CCSER1: variants seen among roughly 807,000 people sequenced by gnomAD.
The protein encoded by CCSER1 is serine-rich coiled-coil domain-containing protein 1.
Under a neutral mutation model 82.0 loss-of-function variants are expected in CCSER1, and 41 were observed. The ratio of observed to expected loss-of-function variants is 0.50; its 90% CI spans 0.39 to 0.65. The LOEUF (loss-of-function observed/expected upper bound fraction) is 0.65. CCSER1 is among the 30% of genes least tolerant of loss of function. The probability of loss-of-function intolerance (pLI) is 0.00; values close to 1 mark genes in which losing one functional copy is unlikely to be tolerated. For missense variants in CCSER1, 1,119 were observed against 1,064.2 expected (o/e 1.05, Z -0.72); for synonymous variants, 414 against 383.9 (o/e 1.08, Z -0.92).
chr4:90,425,624 C>G (rs1757417717), intron 4 of CCSER1, among the ~76,000 whole-genome samples: 1 of 152,206 alleles, frequency 6.6e-6, no homozygotes, highest in Admixed American at 6.5e-5. Context: ...AATCTAGCCT[C>G]TATCTCCAGT....
chr4:91,525,350 G>T (rs902636573), intron 10 of CCSER1, among the ~76,000 whole-genome samples: 2 of 152,098 alleles, frequency 1.3e-5, no homozygotes, highest in Non-Finnish European at 2.9e-5. Context: ...GAAGACAATG[G>T]TATGTAGACT....
chr4:90,304,923 A>AT (rs558254374), intron 1 of CCSER1, among the ~76,000 whole-genome samples: 1,516 of 147,064 alleles, frequency 0.01, 22 homozygotes, highest in African/African-American at 0.035. Context: ...GGTGTTTTTT[A>AT]TTTTTTTTTT....
intron 7 of CCSER1, among the ~76,000 whole-genome samples, chr4:90,725,267 T>C (rs1166545848): frequency 1.3e-5 from 2 of 151,632 alleles, no homozygotes; most frequent in African/African-American, 4.8e-5. Flanking sequence ...ATTTTGACAA[T>C]GATTACAGTC....
At chr4:90,861,121 A>G (rs1765035560) in intron 8 of CCSER1, among the ~76,000 whole-genome samples, 1 of 151,736 alleles carries the variant, frequency 6.6e-6, no homozygotes, top group South Asian at 2.1e-4. Context: ...AGATCCAAGG[A>G]TAGTAATGCA....
At chr4:90,420,770 C>T (rs1756563891) in intron 4 of CCSER1, among the ~76,000 whole-genome samples, 1 of 152,056 alleles carries the variant, frequency 6.6e-6, no homozygotes, top group African/African-American at 2.4e-5. Context: ...TGTAGCATTT[C>T]CTACTGACAT....
At chr4:90,640,699 T>C (rs2148981930) in intron 6 of CCSER1, among the ~76,000 whole-genome samples, 1 of 152,256 alleles carries the variant, frequency 6.6e-6, no homozygotes, top group Admixed American at 6.5e-5. Flanking sequence ...GTTCTTGTGA[T>C]AGTGAGTGAG....
At chr4:90,714,684 A>G (rs1741305946) in intron 6 of CCSER1, among the ~76,000 whole-genome samples, 1 of 151,992 alleles carries the variant, frequency 6.6e-6, no homozygotes, top group South Asian at 2.1e-4. Context: ...TAAATATATG[A>G]ACTCCTAGAA....
At chr4:90,456,605 T>G (rs746606520) in intron 4 of CCSER1, among the ~76,000 whole-genome samples, 4 of 152,156 alleles carry the variant, frequency 2.6e-5, no homozygotes, top group Non-Finnish European at 5.9e-5. Flanking sequence ...GAAACTGGAT[T>G]GGAACAAAGC....
At chr4:90,919,259 A>G (rs1306471575) in intron 8 of CCSER1, among the ~76,000 whole-genome samples, 1 of 151,898 alleles carries the variant, frequency 6.6e-6, no homozygotes, top group Non-Finnish European at 1.5e-5. Flanking sequence ...AGGCAGCAAC[A>G]CTATTTGTAA....
chr4:91,399,200 T>C (rs981337796), intron 10 of CCSER1, among the ~76,000 whole-genome samples: 1 of 151,860 alleles, frequency 6.6e-6, no homozygotes, highest in African/African-American at 2.4e-5. Context: ...CCCAAGGGAA[T>C]GATCATGCAA....
chr4:90,403,851 G>A (rs970646005), intron 4 of CCSER1: 1 of 152,182 alleles, frequency 6.6e-6, no homozygotes, highest in Admixed American at 6.5e-5. Context: ...TGGGAGGAAG[G>A]ACTAGCTTGT....
intron 10 of CCSER1, among the ~76,000 whole-genome samples, chr4:91,263,235 A>T (rs1277322907): frequency 6.6e-6 from 1 of 152,048 alleles, no homozygotes. Context: ...TCTAGCAGTG[A>T]CTATTTTAAA....
intron 10 of CCSER1, among the ~76,000 whole-genome samples, chr4:91,185,456 T>G (rs1451336267): frequency 1.3e-5 from 2 of 152,214 alleles, no homozygotes; most frequent in African/African-American, 4.8e-5. Flanking sequence ...AGACTCCTGT[T>G]AGGGACCTTT....
chr4:90,682,966 G>A lies in CCSER1; in HGVS notation c.1933-40948G>A, dbSNP rs562503523. ...CAATAAATGACTGCATTGCCTACTG[G>A]CAATGGGTGAAAAACATGATTGAAA... On this transcript the variant is annotated intron_variant, in intron 6 of 10. Coordinates refer to ENST00000509176, the MANE Select transcript of CCSER1 (RefSeq NM_001145065.2). 12 of 152,024 alleles carry A rather than the reference G, an allele frequency of 7.9e-5. No homozygotes were observed. In the East Asian group the frequency reaches 2.3e-3, roughly 29 times the overall value. 9.4% of individuals were successfully genotyped at this position (152,024 alleles called of 1,614,324 possible).
chr4:90,153,733 A>G lies in CCSER1; in HGVS notation c.-42+25902A>G, dbSNP rs191797847. ...CCTTCACCCACTTTTTGATGGGTTT[A>G]TTTTTTTCTTGTAAATTTGTTTGAG... On this transcript the variant is annotated intron_variant, in intron 1 of 10. Coordinates refer to ENST00000509176, the MANE Select transcript of CCSER1 (RefSeq NM_001145065.2). 6.8e-3 allele frequency among the ~76,000 whole-genome samples: 1,031 copies of G among 151,248 alleles called. 9 individuals are homozygous for G. The highest frequency in any genetic ancestry group is 0.022 in the African/African-American group (904 of 41,304).
chr4:90,664,857 A>T (rs1731439835), intron 6 of CCSER1, among the ~76,000 whole-genome samples: 1 of 152,184 alleles, frequency 6.6e-6, no homozygotes, highest in Non-Finnish European at 1.5e-5. Context: ...CCGAGATCAC[A>T]CCATTGCACT....
At chr4:91,535,730 A>G (rs1288489761) in intron 10 of CCSER1, among the ~76,000 whole-genome samples, 1 of 152,128 alleles carries the variant, frequency 6.6e-6, no homozygotes, top group Non-Finnish European at 1.5e-5. Flanking sequence ...CTAAGAAGTG[A>G]ATGTTCAAAA....
chr4:91,149,909 G>C (rs1240096891), intron 10 of CCSER1, among the ~76,000 whole-genome samples: 1 of 152,114 alleles, frequency 6.6e-6, no homozygotes, highest in South Asian at 2.1e-4. Context: ...AAGTCAGGTA[G>C]CATGATGCCT....
chr4:90,530,984 ATGAT>A (rs1198721700), intron 5 of CCSER1, among the ~76,000 whole-genome samples: 2 of 152,218 alleles, frequency 1.3e-5, no homozygotes, highest in African/African-American at 4.8e-5. Context: ...AATCAGTAAA[ATGAT>A]TGTCCTTAAA....
Sources: allele counts gnomAD v4.1 joint callset (sites outside exome capture counted in the v4.1 genomes callset), GRCh38; gene constraint gnomAD v4.1.1; transcripts MANE v1.5; gene names NCBI Gene and HGNC (gene_info 2026-07-23, HGNC 2026-07-21).